Variants in FOXC1 observed in about 807,000 individuals in gnomAD.
FOXC1 encodes forkhead box C1.
A neutral mutation model predicts 8.1 loss-of-function variants in FOXC1; 5 were observed. That is an observed-to-expected ratio of 0.62 (90% CI 0.32 to 1.30). FOXC1 has a LOEUF of 1.30. Among genes scored for constraint, FOXC1 ranks in the 50% most tolerant of loss-of-function variants. The pLI is 0.05. For missense variants in FOXC1, 942 were observed against 858.0 expected, an observed-to-expected ratio of 1.10 and a Z score of -1.22; for synonymous variants, 552 against 417.2, an observed-to-expected ratio of 1.32 and a Z score of -3.94.
chr6:1,613,661 T>C lies in FOXC1; in HGVS notation c.*1554T>C. 1 of 196,818 alleles carries C rather than the reference T, an allele frequency of 5.1e-6. No homozygotes were observed. The highest frequency in any genetic ancestry group is 9.1e-5 in the East Asian group (1 of 10,950). The allele number at this position is 196,818 out of a possible 1,614,324, so 12.2% of individuals were successfully genotyped here. ...AAATAACCCAGGAAATGTAATAAAT[T>C]CATTATCTTAGGGTGATCTGCCCTG... On this transcript the variant is annotated 3_prime_UTR_variant, in exon 1 of 1. Coordinates refer to ENST00000645831, the MANE Select transcript of FOXC1 (RefSeq NM_001453.3).
Position 1,611,420 on chromosome 6 carries a change from C to A in FOXC1, c.975C>A (p.Ala325=). ...TSLRGSPQSA[A]AELSSGLLAS... Reference sequence around the variant, plus strand: ...TGCGGGGGTCGCCGCAGAGCGCGGCCGCGGAGCTCAGCTCCGGCCTTCTGG... The same window carrying A: ...TGCGGGGGTCGCCGCAGAGCGCGGCAGCGGAGCTCAGCTCCGGCCTTCTGG... The change falls in exon 1 of 1, where the codon GCC becomes GCA. Residue 325 remains alanine, a synonymous_variant. Transcript: ENST00000645831. The surrounding 1 kb of genome is among the most constrained non-coding windows in gnomAD (Gnocchi z 7.1). 1 of 1,444,286 alleles carries A rather than the reference C, an allele frequency of 6.9e-7. No homozygotes were observed. The allele number at this position is 1,444,286 out of a possible 1,614,324, so 89.5% of individuals were successfully genotyped here. A position where few individuals can be genotyped will look rare whatever the true frequency, so the allele number is the denominator to read the frequency against.
chr6:1,611,884 G>A lies in FOXC1; in HGVS notation c.1439G>A (p.Gly480Glu). The A allele has an allele frequency of 6.5e-7, 1 of 1,541,156 alleles. No individual in the cohort carries two copies. Among genetic ancestry groups the A allele is most frequent in the South Asian group, 1.2e-5 (1 of 83,706 alleles). ...TCGTGGTACCTGAACCAGGCGGGCG[G>A]AGACCTGGGCCACTTGGCGAGCGCG... The part of the protein sequence containing the change: ...LTSWYLNQAG[G>E]DLGHLASAAA... The change falls in exon 1 of 1, where the codon GGA becomes GAA. Residue 480 changes from glycine (G) to glutamate (E), a missense_variant. Gly to Glu is a moderately conservative substitution (Grantham distance 98). This residue lies in a region of FOXC1 where 726 missense variants were observed against 599.6 expected (regional missense o/e 1.21). Coordinates refer to ENST00000645831, the MANE Select transcript of FOXC1 (RefSeq NM_001453.3). This position sits in a 1 kb window ranked among gnomAD's most constrained non-coding sequence, Gnocchi z 7.1.
rs1025952402 is a variant in FOXC1, at chr6:1,612,265, C to G, written c.*158C>G. 1 of 1,109,752 alleles carries G rather than the reference C, an allele frequency of 9.0e-7. No individual in the cohort carries two copies. The highest frequency in any genetic ancestry group is 1.3e-6 in the Non-Finnish European group (1 of 771,234). The allele number at this position is 1,109,752 out of a possible 1,614,324, so 68.7% of individuals were successfully genotyped here. On this transcript the variant is annotated 3_prime_UTR_variant, in exon 1 of 1. Transcript: ENST00000645831. ...ACAGAATATCCCTCCAAAAATTCAG[C>G]TCACCAGCACCAGCACGAAGAAAAC...
Position 1,612,385 on chromosome 6 carries a change from C to G in FOXC1, c.*278C>G. The G allele has an allele frequency of 6.9e-6, 4 of 577,202 alleles. No homozygotes were observed. In the South Asian group the frequency reaches 8.3e-5, roughly 12 times the overall value. The allele number at this position is 577,202 out of a possible 1,614,324, so 35.8% of individuals were successfully genotyped here. On this transcript the variant is annotated 3_prime_UTR_variant, in exon 1 of 1. Coordinates refer to ENST00000645831, the MANE Select transcript of FOXC1 (RefSeq NM_001453.3). ...CTGTTTTATACAGAGACAGCAAAAT[C>G]TTGGTTTATTAAAGGACAGTGTTAC... is the stretch of plus-strand genomic sequence containing the variant.
At position 1,612,086 on chromosome 6, in the gene FOXC1, C is replaced by CT; in HGVS notation, c.1642dup (p.Tyr548LeufsTer4). ...TGTACCGCACGTCCGGAGCTTTCGT[C>CT]TACGACTGTAGCAAGTTTTGACACA... On this transcript the variant is annotated frameshift_variant, in exon 1 of 1. Transcript: ENST00000645831. LOFTEE classifies it high-confidence loss of function. 6.2e-7 allele frequency: 1 copy of CT among 1,614,018 alleles called. No individual in the cohort carries two copies. Among genetic ancestry groups the CT allele is most frequent in the Non-Finnish European group, 8.5e-7 (1 of 1,180,010 alleles).
rs2113112988 is a variant in FOXC1, at chr6:1,611,339, C to T, written c.894C>T (p.Ser298=). The change falls in exon 1 of 1, where the codon TCC becomes TCT. Residue 298 remains serine (S), a synonymous_variant. Transcript: ENST00000645831. The surrounding 1 kb of genome is among the most constrained non-coding windows in gnomAD (Gnocchi z 7.1). ...ADSAPPPPAP[S]APPPHHSQGF... ...CCGCGCCGCCGCCGCCCGCGCCCTC[C>T]GCCCCGCCGCCGCACCATAGCCAGG... The T allele has an allele frequency of 1.4e-6, 2 of 1,420,682 alleles. No homozygotes were observed. The highest frequency in any genetic ancestry group is 1.4e-5 in the South Asian group (1 of 73,438). 88.0% of individuals were successfully genotyped at this position (1,420,682 alleles called of 1,614,324 possible). A position where few individuals can be genotyped will look rare whatever the true frequency, so the allele number is the denominator to read the frequency against.
In FOXC1 at chr6:1,610,995, G is replaced by C. The variant is rs1762527869; in HGVS notation, c.550G>C (p.Glu184Gln). ...FKKKDAVKDK[E>Q]EKDRLHLKEP... ...GAAGAAGGACGCGGTGAAGGACAAG[G>C]AGGAGAAGGACAGGCTGCACCTCAA... Residue 184 changes from glutamate to glutamine, a missense_variant, in exon 1 of 1, where the codon GAG (glutamate) becomes CAG (glutamine). Coordinates refer to ENST00000645831, the MANE Select transcript of FOXC1 (RefSeq NM_001453.3). The C allele has an allele frequency of 6.2e-7, 1 of 1,611,504 alleles. No individual in the cohort carries two copies. Among genetic ancestry groups the C allele is most frequent in the African/African-American group, 1.3e-5 (1 of 74,786 alleles).
At position 1,613,681 on chromosome 6, in the gene FOXC1, G is replaced by C. The variant is rs1160920540; in HGVS notation, c.*1574G>C. On this transcript the variant is annotated 3_prime_UTR_variant, in exon 1 of 1. Transcript: ENST00000645831. ...TAAATTCATTATCTTAGGGTGATCT[G>C]CCCTGCCAATCAGACTTTGGGGAGA... 6.0e-6 allele frequency: 1 copy of C among 167,630 alleles called. No homozygotes were observed. The highest frequency in any genetic ancestry group is 2.6e-5 in the African/African-American group (1 of 38,328). The allele number at this position is 167,630 out of a possible 1,614,324, so 10.4% of individuals were successfully genotyped here.
At position 1,611,041 on chromosome 6, in the gene FOXC1, G is replaced by C; in HGVS notation, c.596G>C (p.Arg199Pro). ...CTCAAGGAGCCGCCCCCGCCCGGCC[G>C]CCAGCCCCCGCCCGCGCCGCCGGAG... ...LHLKEPPPPGRQPPPAPPEQA... is the reference protein window; with the variant it reads ...LHLKEPPPPGPQPPPAPPEQA... Residue 199 changes from arginine to proline, a missense_variant, in exon 1 of 1, where the codon CGC becomes CCC. Transcript: ENST00000645831. This position sits in a 1 kb window ranked among gnomAD's most constrained non-coding sequence, Gnocchi z 7.1. 1 of 1,517,914 alleles carries C rather than the reference G, an allele frequency of 6.6e-7. No homozygotes were observed. The allele number at this position is 1,517,914 out of a possible 1,614,324, so 94.0% of individuals were successfully genotyped here.
Position 1,612,379 on chromosome 6 carries a change from C to CA in FOXC1, c.*276dup. The stretch of plus-strand genomic sequence containing the variant: ...CGTAAACTGTTTTATACAGAGACAG[C>CA]AAAATCTTGGTTTATTAAAGGACAG... On this transcript the variant is annotated 3_prime_UTR_variant, in exon 1 of 1. Transcript: ENST00000645831. 1 of 585,332 alleles carries CA rather than the reference C, an allele frequency of 1.7e-6. No individual in the cohort carries two copies. Among genetic ancestry groups the CA allele is most frequent in the South Asian group, 2.1e-5 (1 of 48,158 alleles). 36.3% of individuals were successfully genotyped at this position (585,332 alleles called of 1,614,324 possible). A position where few individuals can be genotyped will look rare whatever the true frequency, so the allele number is the denominator to read the frequency against.
rs766912110 is a variant in FOXC1 at position 1,611,022 on chromosome 6, G to A, written c.577G>A (p.Glu193Lys). Residue 193 changes from glutamate (E) to lysine (K), a missense_variant, in exon 1 of 1, where the codon GAG becomes AAG. Glu to Lys is a moderately conservative substitution (Grantham distance 56, BLOSUM62 1). Around this residue, in one of 4 missense-constraint regions of FOXC1, gnomAD observed 726 missense variants for 599.6 expected, o/e 1.21. Transcript: ENST00000645831. This position sits in a 1 kb window ranked among gnomAD's most constrained non-coding sequence, Gnocchi z 7.1. ...KEEKDRLHLK[E>K]PPPPGRQPPP... ...GGAGAAGGACAGGCTGCACCTCAAGGAGCCGCCCCCGCCCGGCCGCCAGCC... is the reference window on the plus strand; with the variant it reads ...GGAGAAGGACAGGCTGCACCTCAAGAAGCCGCCCCCGCCCGGCCGCCAGCC... 3.8e-6 allele frequency: 6 copies of A among 1,582,718 alleles called. No individual in the cohort carries two copies. Among genetic ancestry groups the A allele is most frequent in the Non-Finnish European group, 5.1e-6 (6 of 1,165,668 alleles).
chr6:1,612,561 G>A lies in FOXC1; in HGVS notation c.*454G>A, dbSNP rs1762576158. On this transcript the variant is annotated 3_prime_UTR_variant, in exon 1 of 1. Coordinates refer to ENST00000645831, the MANE Select transcript of FOXC1 (RefSeq NM_001453.3). Reference sequence around the variant, plus strand: ...AGGGGGAAAGTCCCCGTTTATGAAAGTCGCTTTCTTTTTATTCATGGACTT... The same window carrying A: ...AGGGGGAAAGTCCCCGTTTATGAAAATCGCTTTCTTTTTATTCATGGACTT... 7.9e-6 allele frequency: 2 copies of A among 252,738 alleles called. No homozygotes were observed. The highest frequency in any genetic ancestry group is 5.4e-5 in the Admixed American group (1 of 18,502). The allele number at this position is 252,738 out of a possible 1,614,324, so 15.7% of individuals were successfully genotyped here. A position where few individuals can be genotyped will look rare whatever the true frequency, so the allele number is the denominator to read the frequency against.
chr6:1,611,485 C>T lies in FOXC1; in HGVS notation c.1040C>T (p.Pro347Leu), dbSNP rs556342882. ...AASSRAGIAP[P>L]LALGAYSPGQ... ...TCCTCGCGCGCGGGGATCGCACCCCCGCTGGCGCTCGGCGCCTACTCGCCC... is the reference window on the plus strand; with the variant it reads ...TCCTCGCGCGCGGGGATCGCACCCCTGCTGGCGCTCGGCGCCTACTCGCCC... The change falls in exon 1 of 1, where the codon CCG (proline) becomes CTG (leucine). Residue 347 changes from proline (P) to leucine (L), a missense_variant. Around this residue, in one of 4 missense-constraint regions of FOXC1, gnomAD observed 726 missense variants for 599.6 expected, o/e 1.21. Coordinates refer to ENST00000645831, the MANE Select transcript of FOXC1 (RefSeq NM_001453.3). The surrounding 1 kb of genome is among the most constrained non-coding windows in gnomAD (Gnocchi z 7.1). The T allele has an allele frequency of 3.6e-6, 5 of 1,378,390 alleles. No individual in the cohort carries two copies. The African/African-American group carries it at 4.5e-5, about 13-fold the overall frequency. 85.4% of individuals were successfully genotyped at this position (1,378,390 alleles called of 1,614,324 possible).
In FOXC1 at chr6:1,611,504, C is replaced by T. The variant is rs752535248; in HGVS notation, c.1059C>T (p.Tyr353=). ...CACCCCCGCTGGCGCTCGGCGCCTA[C>T]TCGCCCGGCCAGAGCTCCCTCTACA... The part of the protein sequence containing the change: ...GIAPPLALGA[Y]SPGQSSLYSS... The change falls in exon 1 of 1, where the codon TAC becomes TAT. Residue 353 remains tyrosine, a synonymous_variant. Coordinates refer to ENST00000645831, the MANE Select transcript of FOXC1 (RefSeq NM_001453.3). This position sits in a 1 kb window ranked among gnomAD's most constrained non-coding sequence, Gnocchi z 7.1. The T allele has an allele frequency of 1.7e-5, 23 of 1,369,508 alleles. No homozygotes were observed. Among genetic ancestry groups the T allele is most frequent in the Admixed American group, 1.1e-4 (4 of 36,782 alleles). The allele number at this position is 1,369,508 out of a possible 1,614,324, so 84.8% of individuals were successfully genotyped here. A position where few individuals can be genotyped will look rare whatever the true frequency, so the allele number is the denominator to read the frequency against.
At position 1,612,814 on chromosome 6, in the gene FOXC1, C is replaced by T. The variant is rs1035039962; in HGVS notation, c.*707C>T. On this transcript the variant is annotated 3_prime_UTR_variant, in exon 1 of 1. Transcript: ENST00000645831. ...GTTTGTTTATTAATAAATTACCATTCAGTTTGAATGAGACCTATATGTCTG... is the reference window on the plus strand; with the variant it reads ...GTTTGTTTATTAATAAATTACCATTTAGTTTGAATGAGACCTATATGTCTG... 2 of 209,232 alleles carry T rather than the reference C, an allele frequency of 9.6e-6. No homozygotes were observed. The highest frequency in any genetic ancestry group is 2.1e-5 in the Non-Finnish European group (2 of 93,884). The allele number at this position is 209,232 out of a possible 1,614,324, so 13.0% of individuals were successfully genotyped here. A position where few individuals can be genotyped will look rare whatever the true frequency, so the allele number is the denominator to read the frequency against.
Position 1,611,183 on chromosome 6 carries a change from GGGCA to G in FOXC1, c.740_743del (p.Gly247AlafsTer67), listed in dbSNP as rs1381606243. 16 of 1,460,774 alleles carry G rather than the reference GGGCA, an allele frequency of 1.1e-5. 1 individual carries two copies. In the South Asian group the frequency reaches 1.7e-4, roughly 15 times the overall value. 90.5% of individuals were successfully genotyped at this position (1,460,774 alleles called of 1,614,324 possible). A position where few individuals can be genotyped will look rare whatever the true frequency, so the allele number is the denominator to read the frequency against. On this transcript the variant is annotated frameshift_variant, in exon 1 of 1. Transcript: ENST00000645831. LOFTEE classifies it low-confidence loss of function (END_TRUNC). The surrounding 1 kb of genome is among the most constrained non-coding windows in gnomAD (Gnocchi z 7.1). Reference sequence around the variant, plus strand: ...AGCCCCTGTCCCCGGCCGCCGCCCTGGGCAGCGGCAGCGCCGCCGCGGTGCCCAA... The same window carrying G: ...AGCCCCTGTCCCCGGCCGCCGCCCTGGCGGCAGCGCCGCCGCGGTGCCCAA...
In FOXC1 at chr6:1,611,407, C is replaced by T. The variant is rs754743917; in HGVS notation, c.962C>T (p.Pro321Leu). The change falls in exon 1 of 1, where the codon CCG becomes CTG. Residue 321 changes from proline (P) to leucine (L), a missense_variant. Physicochemically the swap from Pro to Leu is moderately conservative, Grantham distance 98. Coordinates refer to ENST00000645831, the MANE Select transcript of FOXC1 (RefSeq NM_001453.3). The surrounding 1 kb of genome is among the most constrained non-coding windows in gnomAD (Gnocchi z 7.1). ...ATCATGACGTCGCTGCGGGGGTCGC[C>T]GCAGAGCGCGGCCGCGGAGCTCAGC... ...DNIMTSLRGS[P>L]QSAAAELSSG... The T allele has an allele frequency of 3.4e-6, 5 of 1,449,706 alleles. No individual in the cohort carries two copies. The African/African-American group carries it at 5.9e-5, about 17-fold the overall frequency. 89.8% of individuals were successfully genotyped at this position (1,449,706 alleles called of 1,614,324 possible). A position where few individuals can be genotyped will look rare whatever the true frequency, so the allele number is the denominator to read the frequency against.
chr6:1,610,988 G>C lies in FOXC1; in HGVS notation c.543G>C (p.Lys181Asn). Residue 181 changes from lysine to asparagine, a missense_variant, in exon 1 of 1, where the codon AAG (lysine) becomes AAC (asparagine). Coordinates refer to ENST00000645831, the MANE Select transcript of FOXC1 (RefSeq NM_001453.3). ...RRRFKKKDAV[K>N]DKEEKDRLHL... ...GCTTCAAGAAGAAGGACGCGGTGAA[G>C]GACAAGGAGGAGAAGGACAGGCTGC... 1.2e-6 allele frequency: 2 copies of C among 1,612,482 alleles called. No individual in the cohort carries two copies. Among genetic ancestry groups the C allele is most frequent in the South Asian group, 2.2e-5 (2 of 91,044 alleles).
Position 1,611,671 on chromosome 6 carries a change from G to A in FOXC1, c.1226G>A (p.Gly409Glu). 4 of 1,400,934 alleles carry A rather than the reference G, an allele frequency of 2.9e-6. No homozygotes were observed. The highest frequency in any genetic ancestry group is 3.3e-5 in the Admixed American group (1 of 30,660). The allele number at this position is 1,400,934 out of a possible 1,614,324, so 86.8% of individuals were successfully genotyped here. ...AMSLYAAGER[G>E]GHLQGAPGGA... Reference sequence around the variant, plus strand: ...AGCCTGTACGCGGCCGGCGAGCGCGGGGGCCACTTGCAGGGCGCGCCCGGG... The same window carrying A: ...AGCCTGTACGCGGCCGGCGAGCGCGAGGGCCACTTGCAGGGCGCGCCCGGG... Residue 409 changes from glycine to glutamate, a missense_variant, in exon 1 of 1, where the codon GGG (glycine) becomes GAG (glutamate). This residue lies in a region of FOXC1 where 726 missense variants were observed against 599.6 expected (regional missense o/e 1.21). Transcript: ENST00000645831. The surrounding 1 kb of genome is among the most constrained non-coding windows in gnomAD (Gnocchi z 7.1).
Sources: gnomAD v4.1 joint callset for allele counts on GRCh38, gnomAD v4.1.1 for gene constraint, gnomAD v4.1.1 regional missense constraint, Gnocchi (gnomAD v3.1) non-coding constraint, MANE v1.5 for transcripts, NCBI Gene and HGNC (gene_info 2026-07-23, HGNC 2026-07-21) for gene names.